SYT17: variants seen among roughly 807,000 people sequenced by gnomAD.
SYT17 encodes the protein synaptotagmin 17.
A neutral mutation model predicts 46.7 loss-of-function variants in SYT17; 22 were observed. That is an observed-to-expected ratio of 0.47 (90% CI 0.34 to 0.67). SYT17 has a LOEUF of 0.67. SYT17 is among the 30% of genes least tolerant of loss of function. SYT17 has a pLI of 0.01. For synonymous variants in SYT17, 251 were observed against 248.4 expected, an observed-to-expected ratio of 1.01 and a Z score of -0.10; for missense variants, 519 against 612.8, an observed-to-expected ratio of 0.85 and a Z score of 1.62.
intron 5 of SYT17, among the ~76,000 whole-genome samples, chr16:19,209,334 A>T (rs1965800197): frequency 6.6e-6 from 1 of 152,208 alleles, no homozygotes; most frequent in Non-Finnish European, 1.5e-5. Context: ...AGAAAGACAA[A>T]TACACAATGA....
Position 19,223,250 on chromosome 16 carries a change from C to T in SYT17, c.1072+85C>T. On this transcript the variant is annotated intron_variant, in intron 6 of 7. Transcript: ENST00000355377. ...GAACCCAGTTTTCTTTTTCCGTATC[C>T]TGGATGAGCATTACTCATCTCAGGA... is the stretch of plus-strand genomic sequence containing the variant. 5 of 1,529,218 alleles carry T rather than the reference C, an allele frequency of 3.3e-6. No individual in the cohort carries two copies. The Middle Eastern group carries it at 9.0e-4, about 275-fold the overall frequency. 94.7% of individuals were successfully genotyped at this position (1,529,218 alleles called of 1,614,324 possible). A position where few individuals can be genotyped will look rare whatever the true frequency, so the allele number is the denominator to read the frequency against.
At chr16:19,206,833 G>A (rs1049682608) in intron 5 of SYT17, among the ~76,000 whole-genome samples, 1 of 152,128 alleles carries the variant, frequency 6.6e-6, no homozygotes, top group African/African-American at 2.4e-5. Context: ...ACCTCATCTT[G>A]ACTCAATTAC....
intron 5 of SYT17, among the ~76,000 whole-genome samples, chr16:19,190,896 A>G (rs1037622586): frequency 1.3e-5 from 2 of 152,016 alleles, no homozygotes; most frequent in Non-Finnish European, 2.9e-5. Context: ...TTTGGCTATT[A>G]TAAATAATAC....
intron 5 of SYT17, among the ~76,000 whole-genome samples, chr16:19,198,723 C>T (rs555332812): frequency 4.7e-4 from 71 of 152,206 alleles, no homozygotes; most frequent in Non-Finnish European, 8.8e-4. Flanking sequence ...ATAACAACCC[C>T]AACATCAAGG....
chr16:19,195,293 T>G (rs1375830033), intron 5 of SYT17, among the ~76,000 whole-genome samples: 1 of 152,236 alleles, frequency 6.6e-6, no homozygotes, highest in Non-Finnish European at 1.5e-5. Flanking sequence ...TGAACCCATG[T>G]CATCCAGCTG....
rs183117965 is a variant in SYT17, at chr16:19,236,076, T to C, written c.1228+11238T>C. ...CGACTCACCCCAGACAACCCCTGAG[T>C]TCCTTACCAGATTGCTGGGCTCCTG... On this transcript the variant is annotated intron_variant, in intron 7 of 7. Coordinates refer to ENST00000355377, the MANE Select transcript of SYT17 (RefSeq NM_016524.4). 3.3e-5 allele frequency among the ~76,000 whole-genome samples: 5 copies of C among 151,698 alleles called. No homozygotes were observed. In the East Asian group the frequency reaches 9.7e-4, roughly 29 times the overall value.
At chr16:19,234,320 G>A (rs937406328) in intron 7 of SYT17, among the ~76,000 whole-genome samples, 18 of 151,900 alleles carry the variant, frequency 1.2e-4, no homozygotes, top group Non-Finnish European at 2.4e-4. Flanking sequence ...TATGAGACCC[G>A]GTCTCAAGAA....
At chr16:19,241,113 A>G (rs375336643) in intron 7 of SYT17, among the ~76,000 whole-genome samples, 25 of 150,782 alleles carry the variant, frequency 1.7e-4, no homozygotes, top group East Asian at 1.6e-3. Flanking sequence ...ACGCCCGGCT[A>G]ATTTTTTGTA....
chr16:19,234,242 C>T (rs1312502146), intron 7 of SYT17, among the ~76,000 whole-genome samples: 1 of 152,198 alleles, frequency 6.6e-6, no homozygotes, highest in East Asian at 1.9e-4. Context: ...GGGAGGATCG[C>T]TTGAACCCAG....
intron 5 of SYT17, among the ~76,000 whole-genome samples, chr16:19,220,888 G>T (rs1966291451): frequency 6.6e-6 from 1 of 152,084 alleles, no homozygotes; most frequent in African/African-American, 2.4e-5. Context: ...TTACCTGAGG[G>T]ATGACGAAGA....
At chr16:19,241,855 G>C (rs935163054) in intron 7 of SYT17, among the ~76,000 whole-genome samples, 1 of 152,300 alleles carries the variant, frequency 6.6e-6, no homozygotes, top group South Asian at 2.1e-4. Flanking sequence ...CCTTGGGCAC[G>C]TGGGGCACAG....
intron 5 of SYT17, among the ~76,000 whole-genome samples, chr16:19,206,876 G>A (rs1372654704): frequency 6.6e-6 from 1 of 152,178 alleles, no homozygotes; most frequent in Non-Finnish European, 1.5e-5. Flanking sequence ...AATAAGGACT[G>A]TGGACCCCCA....
At chr16:19,175,081 A>C (rs980320812) in intron 3 of SYT17, among the ~76,000 whole-genome samples, 1 of 152,004 alleles carries the variant, frequency 6.6e-6, no homozygotes, top group Non-Finnish European at 1.5e-5. Flanking sequence ...GTGAGCTGTG[A>C]TTGCGCCACT....
intron 7 of SYT17, among the ~76,000 whole-genome samples, chr16:19,232,454 T>C (rs1405831233): frequency 6.6e-6 from 1 of 152,186 alleles, no homozygotes; most frequent in Non-Finnish European, 1.5e-5. Context: ...GCTGTGGGGC[T>C]GCAGACCACA....
At chr16:19,188,896 C>A (rs1423522430) in intron 5 of SYT17, among the ~76,000 whole-genome samples, 3 of 151,408 alleles carry the variant, frequency 2.0e-5, no homozygotes, top group Non-Finnish European at 4.4e-5. Context: ...CTCTTCTCTT[C>A]TTTTTTTTTG....
chr16:19,201,751 T>C (rs141655875), intron 5 of SYT17, among the ~76,000 whole-genome samples: 80 of 151,866 alleles, frequency 5.3e-4, no homozygotes, highest in African/African-American at 1.8e-3. Context: ...GGAGTAGGCT[T>C]TAAAATCTGA....
chr16:19,172,672 G>T (rs1249205596), intron 1 of SYT17, 88 bp from the exon 2 acceptor site: 160 of 1,582,798 alleles, frequency 1.0e-4, no homozygotes, highest in Non-Finnish European at 1.2e-4. Context: ...TGAGTTGCTG[G>T]AATATTGCTA....
At chr16:19,249,915 T>C in intron 7 of SYT17, 1 of 1,534,442 alleles carries the variant, frequency 6.5e-7, no homozygotes, top group East Asian at 2.4e-5. Context: ...CCCCAGCAGA[T>C]TCACCAAGTC....
At chr16:19,264,875 C>G (rs542839879) in intron 7 of SYT17, among the ~76,000 whole-genome samples, 1 of 151,972 alleles carries the variant, frequency 6.6e-6, no homozygotes, top group Admixed American at 6.6e-5. Flanking sequence ...ATTACAGATG[C>G]GAGCCACCGT....
Sources: allele counts gnomAD v4.1 joint callset (sites outside exome capture counted in the v4.1 genomes callset), GRCh38; gene constraint gnomAD v4.1.1; transcripts MANE v1.5; gene names NCBI Gene and HGNC (gene_info 2026-07-23, HGNC 2026-07-21).